ZNF827: variants seen among roughly 807,000 people sequenced by gnomAD.
ZNF827 encodes zinc finger protein 827.
ZNF827 carries 13 observed loss-of-function variants against 102.4 expected under a neutral mutation model. That is an observed-to-expected ratio of 0.13 (90% CI 0.08 to 0.20). The LOEUF (loss-of-function observed/expected upper bound fraction) is 0.20. Ranked by LOEUF, ZNF827 falls within the 10% of genes least tolerant of loss-of-function variation. ZNF827 has a pLI of 1.00. For synonymous variants in ZNF827, 523 were observed against 536.2 expected (o/e 0.98, Z 0.34); for missense variants, 1,103 against 1,344.4 (o/e 0.82, Z 2.81).
intron 7 of ZNF827, among the ~76,000 whole-genome samples, chr4:145,845,461 CT>C (rs1745838619): frequency 6.6e-6 from 1 of 152,146 alleles, no homozygotes. Flanking sequence ...CCTTTAAAAT[CT>C]TTGCCTTCCA....
Position 145,765,568 on chromosome 4 carries a change from T to C in ZNF827, c.3031A>G (p.Ser1011Gly). Residue 1011 changes from serine (S) to glycine (G), a missense_variant, in exon 12 of 15, where the codon AGT becomes GGT. Physicochemically the swap from Ser to Gly is moderately conservative, Grantham distance 56. Transcript: ENST00000508784. This position sits in a 1 kb window ranked among gnomAD's most constrained non-coding sequence, Gnocchi z 4.7. ...VMPGSQPSLN[S>G]EEKPEKGFEC... ...TTACCTTTCTCTGGCTTTTCCTCAC[T>C]GTTCAGTGAGGGCTGGCTCCCAGGC... 1.9e-6 allele frequency: 3 copies of C among 1,613,512 alleles called. No individual in the cohort carries two copies. Among genetic ancestry groups the C allele is most frequent in the Non-Finnish European group, 2.5e-6 (3 of 1,179,732 alleles).
chr4:145,905,301 A>G (rs1203098508), intron 1 of ZNF827, among the ~76,000 whole-genome samples: 1 of 152,196 alleles, frequency 6.6e-6, no homozygotes, highest in Non-Finnish European at 1.5e-5. Context: ...AGTAACTAGA[A>G]CTAGTAATGC....
At position 145,760,494 on chromosome 4, in the gene ZNF827, G is replaced by C. The variant is rs1734331238; in HGVS notation, c.*1122C>G. 1 of 155,948 alleles carries C rather than the reference G, an allele frequency of 6.4e-6. No homozygotes were observed. Among genetic ancestry groups the C allele is most frequent in the Non-Finnish European group, 1.4e-5 (1 of 70,570 alleles). The allele number at this position is 155,948 out of a possible 1,614,324, so 9.7% of individuals were successfully genotyped here. A position where few individuals can be genotyped will look rare whatever the true frequency, so the allele number is the denominator to read the frequency against. ...AGAAAAGTACGGAGAAGGGCTGAGA[G>C]TGGGAGTGGGTGGCTGGGGAGGCAT... On this transcript the variant is annotated 3_prime_UTR_variant, in exon 15 of 15. Coordinates refer to ENST00000508784, the MANE Select transcript of ZNF827 (RefSeq NM_001306215.2).
At chr4:145,855,854 C>T (rs1747044769) in intron 5 of ZNF827, among the ~76,000 whole-genome samples, 1 of 152,166 alleles carries the variant, frequency 6.6e-6, no homozygotes, top group Non-Finnish European at 1.5e-5. Flanking sequence ...AATGGAGATA[C>T]CTTGTATCTC....
chr4:145,766,735 G>T (rs181142623), intron 11 of ZNF827, among the ~76,000 whole-genome samples: 9 of 152,320 alleles, frequency 5.9e-5, no homozygotes, highest in Admixed American at 3.3e-4. Context: ...CACCTGAAAA[G>T]CTTAGAGAAC....
rs145573301 is a variant in ZNF827, at chr4:145,874,455, C to T, written c.1748-3977G>A. Among the ~76,000 whole-genome samples the T allele has an allele frequency of 2.7e-3, 413 of 152,218 alleles. 1 individual carries two copies. The highest frequency in any genetic ancestry group is 9.5e-3 in the African/African-American group (396 of 41,538). On this transcript the variant is annotated intron_variant, in intron 4 of 14. Transcript: ENST00000508784. ...GTAAAAATAGAAATATGAAGGCTAA[C>T]CTGCTTTTTTCAATGACCAAAAATA...
At chr4:145,791,690 T>C (rs1739727038) in intron 8 of ZNF827, among the ~76,000 whole-genome samples, 3 of 152,186 alleles carry the variant, frequency 2.0e-5, no homozygotes, top group Non-Finnish European at 4.4e-5. Context: ...GAAAGAGGAA[T>C]TATACATACG....
chr4:145,937,741 C>T (rs1754320452), intron 1 of ZNF827, among the ~76,000 whole-genome samples: 1 of 146,932 alleles, frequency 6.8e-6, no homozygotes, highest in Non-Finnish European at 1.5e-5. Context: ...CCTCCTGCTC[C>T]AGCCGCCGCC....
At chr4:145,920,499 G>A (rs763422253) in intron 1 of ZNF827, among the ~76,000 whole-genome samples, 2 of 152,226 alleles carry the variant, frequency 1.3e-5, no homozygotes, top group Non-Finnish European at 2.9e-5. Flanking sequence ...TCCTCAGGAA[G>A]GGAGGAGAAG....
Position 145,885,845 on chromosome 4 carries a change from T to C in ZNF827, c.1580A>G (p.Lys527Arg). The change falls in exon 4 of 15, where the codon AAG becomes AGG. Residue 527 changes from lysine (K) to arginine (R), a missense_variant. Physicochemically the swap from Lys to Arg is conservative, Grantham distance 26 (BLOSUM62 2). Transcript: ENST00000508784. ...GGAGGTGGGCAGGCCGTTATCTTCC[T>C]TGGGTTCCTCCTTCACCAGCAAAGG... ...VSPLLVKEEPKEDNGLPTSFT... is the reference protein window; with the variant it reads ...VSPLLVKEEPREDNGLPTSFT... 1 of 1,614,232 alleles carries C rather than the reference T, an allele frequency of 6.2e-7. No individual in the cohort carries two copies.
chr4:145,835,609 C>G (rs1744751140), intron 7 of ZNF827, among the ~76,000 whole-genome samples: 1 of 150,310 alleles, frequency 6.7e-6, no homozygotes, highest in African/African-American at 2.5e-5. Flanking sequence ...TCCTTTGCGT[C>G]CTCCTCTTGT....
At chr4:145,801,169 AT>A (rs1382012969) in intron 8 of ZNF827, among the ~76,000 whole-genome samples, 3 of 152,124 alleles carry the variant, frequency 2.0e-5, no homozygotes, top group Non-Finnish European at 2.9e-5. Flanking sequence ...GAAAAAAAAA[AT>A]CCTCTATGTA....
intron 8 of ZNF827, among the ~76,000 whole-genome samples, chr4:145,807,804 AAAAAAAC>A (rs1741621054): frequency 6.6e-6 from 1 of 151,780 alleles, no homozygotes; most frequent in African/African-American, 2.4e-5. Context: ...CAAAAACAAA[AAAAAAAC>A]AAAAAACAAA....
chr4:145,809,536 T>C (rs1741811145), intron 8 of ZNF827, among the ~76,000 whole-genome samples: 1 of 152,236 alleles, frequency 6.6e-6, no homozygotes, highest in Admixed American at 6.5e-5. Flanking sequence ...GTCTGAATTC[T>C]AAAATGAAGG....
At chr4:145,901,922 G>A (rs1751444966) in intron 2 of ZNF827, among the ~76,000 whole-genome samples, 1 of 152,106 alleles carries the variant, frequency 6.6e-6, no homozygotes, top group Admixed American at 6.5e-5. Flanking sequence ...TGAAAGGGAG[G>A]GAATGCTGTA....
intron 11 of ZNF827, among the ~76,000 whole-genome samples, chr4:145,766,982 G>A (rs1279219663): frequency 6.6e-6 from 1 of 152,168 alleles, no homozygotes; most frequent in Admixed American, 6.5e-5. Flanking sequence ...TCAAGAGTAT[G>A]TATAGGAATA....
In ZNF827 at chr4:145,765,203, C is replaced by T; in HGVS notation, c.3053-38G>A. 6.4e-7 allele frequency: 1 copy of T among 1,550,698 alleles called. No homozygotes were observed. Among genetic ancestry groups the T allele is most frequent in the South Asian group, 1.2e-5 (1 of 80,188 alleles). ...AAGCTGGGTATAGAGGTGCACAGGG[C>T]AGCGGGGAGAGGAGGGCAGGAGTGG... On this transcript the variant is annotated intron_variant, in intron 12 of 14. Transcript: ENST00000508784. The surrounding 1 kb of genome is among the most constrained non-coding windows in gnomAD (Gnocchi z 4.7).
chr4:145,893,171 T>G (rs1750737504), intron 2 of ZNF827, among the ~76,000 whole-genome samples: 1 of 152,174 alleles, frequency 6.6e-6, no homozygotes. Context: ...GCTCCAATCT[T>G]TCAAGAAATT....
At chr4:145,884,624 C>T (rs1310416235) in intron 4 of ZNF827, among the ~76,000 whole-genome samples, 1 of 152,108 alleles carries the variant, frequency 6.6e-6, no homozygotes, top group Non-Finnish European at 1.5e-5. Context: ...TCCTGCAACA[C>T]ACCTTATCAT....
Sources: allele counts gnomAD v4.1 joint callset (sites outside exome capture counted in the v4.1 genomes callset), GRCh38; gene constraint gnomAD v4.1.1; non-coding constraint Gnocchi (gnomAD v3.1); transcripts MANE v1.5; gene names NCBI Gene and HGNC (gene_info 2026-07-23, HGNC 2026-07-21).